SLC39A11: variants seen among roughly 807,000 people sequenced by gnomAD.
SLC39A11 encodes zinc transporter ZIP11.
Under a neutral mutation model 36.1 loss-of-function variants are expected in SLC39A11, and 33 were observed. The observed-to-expected ratio is 0.91, with a 90% CI of 0.69 to 1.22. The LOEUF (loss-of-function observed/expected upper bound fraction) is 1.22, where lower values mean the gene tolerates loss of function less well. SLC39A11 is among the 50% of genes most tolerant of loss of function. The pLI is 0.00. For missense variants in SLC39A11, 432 were observed against 430.3 expected (o/e 1.00, Z -0.03); for synonymous variants, 166 against 170.3 (o/e 0.97, Z 0.20).
intron 6 of SLC39A11, among the ~76,000 whole-genome samples, chr17:72,835,842 C>G (rs896513887): frequency 1.4e-4 from 21 of 152,220 alleles, no homozygotes; most frequent in Non-Finnish European, 2.9e-4. Context: ...AAAGCTAAGA[C>G]TCTCATGATC....
chr17:72,738,727 G>C (rs2074541425), intron 6 of SLC39A11, among the ~76,000 whole-genome samples: 1 of 152,194 alleles, frequency 6.6e-6, no homozygotes, highest in Non-Finnish European at 1.5e-5. Context: ...AAGGGCTTTG[G>C]GGGTCAAATT....
chr17:72,688,661 A>G (rs1436445429), intron 7 of SLC39A11, among the ~76,000 whole-genome samples: 3 of 152,202 alleles, frequency 2.0e-5, no homozygotes, highest in African/African-American at 7.2e-5. Context: ...CCAGTCGTCA[A>G]ATTACTTCAC....
At chr17:72,830,720 G>A (rs541384173) in intron 6 of SLC39A11, among the ~76,000 whole-genome samples, 1 of 152,254 alleles carries the variant, frequency 6.6e-6, no homozygotes, top group Non-Finnish European at 1.5e-5. Flanking sequence ...TAGAGCCCAA[G>A]GAGCCCATGG....
In SLC39A11 at chr17:73,018,590, G is replaced by A. The variant is rs537988600; in HGVS notation, c.306+12966C>T. ...TAAAAATAAAATAAATCAATCTATA[G>A]ACCCAAGAAGCACAATTAACCACAA... On this transcript the variant is annotated intron_variant, in intron 4 of 9. Coordinates refer to ENST00000255559, the MANE Select transcript of SLC39A11 (RefSeq NM_139177.4). 4.0e-5 allele frequency among the ~76,000 whole-genome samples: 6 copies of A among 151,896 alleles called. No individual in the cohort carries two copies. In the East Asian group the frequency reaches 1.2e-3, roughly 29 times the overall value.
intron 7 of SLC39A11, among the ~76,000 whole-genome samples, chr17:72,732,050 T>C (rs1351517719): frequency 2.8e-5 from 3 of 106,306 alleles, no homozygotes; most frequent in Admixed American, 9.6e-5. Context: ...CTTTTTTTTT[T>C]TTTTTTTTTT....
chr17:72,982,774 C>A (rs2088424986), intron 4 of SLC39A11, among the ~76,000 whole-genome samples: 1 of 151,276 alleles, frequency 6.6e-6, no homozygotes, highest in Admixed American at 6.6e-5. Flanking sequence ...CTCTTCAAAT[C>A]TGAACTTTCA....
At chr17:72,650,342 A>G (rs2069793608) in intron 7 of SLC39A11, among the ~76,000 whole-genome samples, 1 of 152,168 alleles carries the variant, frequency 6.6e-6, no homozygotes. Context: ...GATGCGTACA[A>G]ATGCAATCTG....
At chr17:72,787,427 T>C (rs2076558966) in intron 6 of SLC39A11, among the ~76,000 whole-genome samples, 1 of 151,758 alleles carries the variant, frequency 6.6e-6, no homozygotes, top group Admixed American at 6.6e-5. Flanking sequence ...CCGGCTAATT[T>C]TTCGTATTTT....
At chr17:72,870,977 G>A (rs1173696521) in intron 5 of SLC39A11, among the ~76,000 whole-genome samples, 3 of 151,786 alleles carry the variant, frequency 2.0e-5, no homozygotes, top group African/African-American at 7.3e-5. Context: ...AACAATAAAG[G>A]AATAAAGGAG....
At chr17:72,923,068 T>C (rs2147286745) in intron 5 of SLC39A11, among the ~76,000 whole-genome samples, 1 of 151,954 alleles carries the variant, frequency 6.6e-6, no homozygotes, top group East Asian at 1.9e-4. Flanking sequence ...TGTGATTTTA[T>C]CTTATCAGTC....
At chr17:72,999,517 C>T (rs2089698588) in intron 4 of SLC39A11, among the ~76,000 whole-genome samples, 1 of 152,212 alleles carries the variant, frequency 6.6e-6, no homozygotes, top group Non-Finnish European at 1.5e-5. Flanking sequence ...AAACAGTTCT[C>T]ATCACCAAGG....
chr17:72,884,676 G>C (rs1431307076), intron 5 of SLC39A11, among the ~76,000 whole-genome samples: 1 of 152,172 alleles, frequency 6.6e-6, no homozygotes, highest in Admixed American at 6.5e-5. Context: ...TTGAACATTA[G>C]AGTTTAATAA....
At chr17:73,013,959 G>C (rs1003860300) in intron 4 of SLC39A11, among the ~76,000 whole-genome samples, 3 of 152,150 alleles carry the variant, frequency 2.0e-5, no homozygotes, top group African/African-American at 7.2e-5. Flanking sequence ...CCAAGCCTCA[G>C]TGCAAATTCT....
rs113663215 is a variant in SLC39A11, at chr17:72,730,095, G to C, written c.671+6555C>G. 2.9e-3 allele frequency among the ~76,000 whole-genome samples: 447 copies of C among 152,244 alleles called. 5 individuals are homozygous for C. Among genetic ancestry groups the C allele is most frequent in the African/African-American group, 0.01 (424 of 41,536 alleles). ...TTGAAATGAACGTAAGCTTTCTAAT[G>C]ACTGGGCTACAGTTTATATATGTCC... On this transcript the variant is annotated intron_variant, in intron 7 of 9. Coordinates refer to ENST00000255559, the MANE Select transcript of SLC39A11 (RefSeq NM_139177.4).
intron 5 of SLC39A11, among the ~76,000 whole-genome samples, chr17:72,914,592 T>C (rs1363570204): frequency 1.3e-5 from 2 of 151,840 alleles, no homozygotes; most frequent in African/African-American, 4.8e-5. Context: ...GTATAAAACG[T>C]TGAATAGGCC....
At chr17:73,013,244 C>G (rs2090622466) in intron 4 of SLC39A11, among the ~76,000 whole-genome samples, 1 of 152,098 alleles carries the variant, frequency 6.6e-6, no homozygotes, top group South Asian at 2.1e-4. Flanking sequence ...TGCACCATCA[C>G]ACCTAGCTAA....
chr17:73,078,213 A>G (rs1049363975), intron 3 of SLC39A11, among the ~76,000 whole-genome samples: 100 of 148,720 alleles, frequency 6.7e-4, no homozygotes, highest in African/African-American at 2.4e-3. Context: ...AGTCCAGCCT[A>G]GGTGACAGAG....
intron 7 of SLC39A11, among the ~76,000 whole-genome samples, chr17:72,680,251 T>C (rs1202250924): frequency 6.6e-6 from 1 of 152,066 alleles, no homozygotes; most frequent in African/African-American, 2.4e-5. Context: ...TCCCCACCCC[T>C]ACCGCCCTCA....
intron 4 of SLC39A11, among the ~76,000 whole-genome samples, chr17:72,960,725 C>T (rs1206394021): frequency 2.0e-5 from 3 of 151,974 alleles, no homozygotes; most frequent in East Asian, 3.9e-4. Flanking sequence ...GCAGGAGGAT[C>T]GCTTGGGCCC....
Sources: gnomAD v4.1 joint callset for allele counts (sites outside exome capture counted in the v4.1 genomes callset) on GRCh38, gnomAD v4.1.1 for gene constraint, MANE v1.5 for transcripts, NCBI Gene and HGNC (gene_info 2026-07-23, HGNC 2026-07-21) for gene names.